Variants in ANK2 observed in about 807,000 individuals in gnomAD.
ANK2 encodes the protein ankyrin 2, also known as ankyrin-2.
Under a neutral mutation model 360.5 loss-of-function variants are expected in ANK2, and 83 were observed. That is an observed-to-expected ratio of 0.23 (90% CI 0.19 to 0.28). The LOEUF (loss-of-function observed/expected upper bound fraction) is 0.28. Ranked by LOEUF, ANK2 falls within the 10% of genes least tolerant of loss-of-function variation. ANK2 has a pLI of 1.00. For missense variants in ANK2, 4,201 were observed against 4,795.7 expected, an observed-to-expected ratio of 0.88 and a Z score of 3.66; for synonymous variants, 1,740 against 1,759.5, an observed-to-expected ratio of 0.99 and a Z score of 0.28.
intron 23 of ANK2, among the ~76,000 whole-genome samples, chr4:113,305,339 CAAAAAAAAAAA>C (rs10667489): frequency 1.0e-5 from 1 of 96,994 alleles, no homozygotes; most frequent in African/African-American, 4.2e-5. Context: ...GACTCCGTCT[CAAAAAAAAAAA>C]AAAAAAAAAT....
At chr4:113,177,219 T>G (rs2098246240) in intron 2 of ANK2, among the ~76,000 whole-genome samples, 1 of 152,164 alleles carries the variant, frequency 6.6e-6, no homozygotes, top group Admixed American at 6.5e-5. Context: ...TAGCTGGGAC[T>G]ACAGGCGCCC....
chr4:113,198,340 GT>G (rs150005562), intron 3 of ANK2, among the ~76,000 whole-genome samples: 3 of 150,584 alleles, frequency 2.0e-5, no homozygotes, highest in African/African-American at 4.9e-5. Context: ...CTGGTTTCTG[GT>G]TTTTTTTTCT....
intron 1 of ANK2, among the ~76,000 whole-genome samples, chr4:113,085,114 G>A (rs1053988132): frequency 2.6e-5 from 4 of 152,130 alleles, no homozygotes; most frequent in African/African-American, 4.8e-5. Context: ...ATTCGTGTAC[G>A]TTTTTCAGGT....
intron 2 of ANK2, among the ~76,000 whole-genome samples, chr4:113,007,224 G>A (rs955960109): frequency 5.3e-5 from 8 of 152,094 alleles, no homozygotes; most frequent in African/African-American, 1.4e-4. Context: ...TTTGTGCAGC[G>A]GTTAGTATAA....
At chr4:112,786,748 T>C in the ANK2 span, among the ~76,000 whole-genome samples, 2 of 137,356 alleles carry the variant, frequency 1.5e-5, no homozygotes, top group Non-Finnish European at 3.1e-5. Flanking sequence ...AAATCAAACT[T>C]TTTTTTTTTT....
chr4:112,916,688 A>G (rs1468302049), intron 2 of ANK2, among the ~76,000 whole-genome samples: 1 of 152,198 alleles, frequency 6.6e-6, no homozygotes, highest in African/African-American at 2.4e-5. Flanking sequence ...GGTCAGACAC[A>G]TTAAAAAAGT....
At chr4:112,769,873 T>G in the ANK2 span, among the ~76,000 whole-genome samples, 2 of 152,280 alleles carry the variant, frequency 1.3e-5, no homozygotes, top group South Asian at 4.1e-4. Flanking sequence ...TCTTCTGCCC[T>G]TAAGTTGGGA....
intron 1 of ANK2, among the ~76,000 whole-genome samples, chr4:112,874,621 C>T (rs1283717878): frequency 8.1e-6 from 1 of 122,820 alleles, no homozygotes; most frequent in African/African-American, 3.2e-5. Context: ...CAGCTGGGTG[C>T]GACAGAGGAA....
intron 2 of ANK2, among the ~76,000 whole-genome samples, chr4:113,015,285 G>A (rs1419646920): frequency 2.0e-5 from 3 of 152,124 alleles, no homozygotes; most frequent in Non-Finnish European, 4.4e-5. Context: ...TCCTATCTGT[G>A]AGAAGATATA....
At chr4:113,124,798 A>G (rs1268317476) in intron 1 of ANK2, among the ~76,000 whole-genome samples, 2 of 152,064 alleles carry the variant, frequency 1.3e-5, no homozygotes, top group Non-Finnish European at 2.9e-5. Flanking sequence ...ATCATAGGGG[A>G]ACACCTCAAC....
intron 14 of ANK2, among the ~76,000 whole-genome samples, chr4:113,268,006 G>A (rs1454553747): frequency 6.6e-6 from 1 of 151,998 alleles, no homozygotes; most frequent in Non-Finnish European, 1.5e-5. Context: ...TATTCTCTTT[G>A]TAGCAATTGT....
chr4:112,755,877 A>T, the ANK2 span: 1 of 152,772 alleles, frequency 6.5e-6, no homozygotes, highest in African/African-American at 2.4e-5. Flanking sequence ...GTAACTGGTT[A>T]TAATCAATTT....
At chr4:112,878,784 G>A (rs1580348225) in intron 1 of ANK2, among the ~76,000 whole-genome samples, 2 of 152,104 alleles carry the variant, frequency 1.3e-5, no homozygotes, top group East Asian at 3.9e-4. Context: ...ACAGGCTCCC[G>A]CCACCACGCC....
intron 4 of ANK2, among the ~76,000 whole-genome samples, chr4:113,230,394 A>G (rs2099276691): frequency 6.6e-6 from 1 of 152,096 alleles, no homozygotes. Flanking sequence ...TTCTCCCTGT[A>G]GTCCCAGCTA....
chr4:113,357,254 C>T lies in ANK2; in HGVS notation c.8636C>T (p.Thr2879Ile). The change falls in exon 38 of 46, where the codon ACT becomes ATT. Residue 2879 changes from threonine (T) to isoleucine (I), a missense_variant. This residue lies in a region of ANK2 where 2,642 missense variants were observed against 2,714.5 expected (regional missense o/e 0.97). Coordinates refer to ENST00000357077, the MANE Select transcript of ANK2 (RefSeq NM_001148.6). ...ATTCAAAAAACAGAGGTCACAAAAA[C>T]TGATGAAACATTTGAGAACTTACCA... Reference protein sequence around the residue: ...SSIQKTEVTKTDETFENLPKD... With the variant: ...SSIQKTEVTKIDETFENLPKD... The T allele has an allele frequency of 6.2e-7, 1 of 1,614,060 alleles. No individual in the cohort carries two copies. Among genetic ancestry groups the T allele is most frequent in the Non-Finnish European group, 8.5e-7 (1 of 1,179,994 alleles).
intron 2 of ANK2, among the ~76,000 whole-genome samples, chr4:112,978,369 A>C (rs970386936): frequency 6.6e-6 from 1 of 152,214 alleles, no homozygotes; most frequent in South Asian, 2.1e-4. Context: ...AAAACTTCCT[A>C]TAAGTGTACA....
At chr4:112,907,033 C>G (rs946169145) in intron 2 of ANK2, among the ~76,000 whole-genome samples, 1 of 152,138 alleles carries the variant, frequency 6.6e-6, no homozygotes, top group Non-Finnish European at 1.5e-5. Flanking sequence ...TTTAAGAACA[C>G]TTTTTGACCT....
At chr4:112,850,807 C>T (rs2064792678) in intron 1 of ANK2, among the ~76,000 whole-genome samples, 2 of 151,928 alleles carry the variant, frequency 1.3e-5, no homozygotes, top group African/African-American at 4.8e-5. Flanking sequence ...CAAGTCACTG[C>T]GCCTGACCTT....
At chr4:112,859,866 G>C (rs900414750) in intron 1 of ANK2, among the ~76,000 whole-genome samples, 1 of 152,310 alleles carries the variant, frequency 6.6e-6, no homozygotes, top group South Asian at 2.1e-4. Flanking sequence ...GAAAGATGAT[G>C]TTTGAGTTGT....
Sources: allele counts gnomAD v4.1 joint callset (sites outside exome capture counted in the v4.1 genomes callset), GRCh38; gene constraint gnomAD v4.1.1; regional missense constraint gnomAD v4.1.1; transcripts MANE v1.5; gene names NCBI Gene and HGNC (gene_info 2026-07-23, HGNC 2026-07-21).